Variants in PROSER1 observed in about 807,000 individuals in gnomAD.
The protein encoded by PROSER1 is proline and serine-rich protein 1.
A neutral mutation model predicts 71.8 loss-of-function variants in PROSER1; 36 were observed. The observed-to-expected ratio is 0.50, with a 90% confidence interval of 0.38 to 0.66. The LOEUF is 0.66. Among genes scored for constraint, PROSER1 ranks in the 30% least tolerant of loss-of-function variants. PROSER1 has a pLI of 0.00. For synonymous variants in PROSER1, 490 were observed against 452.4 expected (o/e 1.08, Z -1.06); for missense variants, 1,107 against 1,135.0 (o/e 0.98, Z 0.35).
chr13:39,027,121 C>T (rs1028590780), intron 5 of PROSER1, among the ~76,000 whole-genome samples: 8 of 151,948 alleles, frequency 5.3e-5, no homozygotes, highest in Non-Finnish European at 1.2e-4. Flanking sequence ...CAAGTATGTA[C>T]AATGTATTTT....
rs776620953 is a variant in PROSER1 at position 39,012,166 on chromosome 13, G to A, written c.2629C>T (p.Pro877Ser). 3.1e-6 allele frequency: 5 copies of A among 1,614,136 alleles called. 1 individual carries two copies. In the South Asian group the frequency reaches 5.5e-5, roughly 18 times the overall value. The change falls in exon 12 of 13, where the codon CCT (proline) becomes TCT (serine). Residue 877 changes from proline to serine, a missense_variant. Physicochemically the swap from Pro to Ser is moderately conservative, Grantham distance 74 (BLOSUM62 -1). Coordinates refer to ENST00000352251, the MANE Select transcript of PROSER1 (RefSeq NM_025138.5). ...TGTGAAGGATTCTGAGGAAACCCAG[G>A]GATACCCGGGAGGGACAAAAGGCCT... The part of the protein sequence containing the change: ...FPGLLSLPGI[P>S]GFPQNPSQSS...
At chr13:39,028,392 AC>A in intron 4 of PROSER1, 72 bp from the exon 5 acceptor site, 1 of 788,176 alleles carries the variant, frequency 1.3e-6, no homozygotes, top group Non-Finnish European at 2.2e-6. Context: ...ACCTTTGTTT[AC>A]CACACAAACA....
chr13:39,012,113 A>G lies in PROSER1; in HGVS notation c.2682T>C (p.Asn894=). The G allele has an allele frequency of 1.2e-6, 2 of 1,614,208 alleles. No homozygotes were observed. Among genetic ancestry groups the G allele is most frequent in the Non-Finnish European group, 1.7e-6 (2 of 1,180,036 alleles). ...SQSSLQELQH[N]AAAQSALLQQ... The stretch of plus-strand genomic sequence containing the variant: ...GTAACAATGCTGACTGCGCAGCCGC[A>G]TTATGCTGTAATTCTTGCAAGGATG... The change falls in exon 12 of 13, where the codon AAT becomes AAC. Residue 894 remains asparagine, a synonymous_variant. Coordinates refer to ENST00000352251, the MANE Select transcript of PROSER1 (RefSeq NM_025138.5).
At chr13:39,026,444 G>T in intron 5 of PROSER1, 57 bp from the exon 6 acceptor site, 2 of 1,045,980 alleles carry the variant, frequency 1.9e-6, no homozygotes, top group South Asian at 1.4e-5. Flanking sequence ...TAAGTATTCT[G>T]AACATTGGGA....
chr13:39,023,011 G>T, intron 8 of PROSER1, 41 bp downstream of exon 8: 2 of 1,515,110 alleles, frequency 1.3e-6, no homozygotes, highest in Non-Finnish European at 1.8e-6. Context: ...TAAATAAACA[G>T]CAAAAAAGAA....
In PROSER1 at chr13:39,037,346, G is replaced by A; in HGVS notation, c.-104C>T. The A allele has an allele frequency of 1.2e-6, 1 of 834,966 alleles. No individual in the cohort carries two copies. Among genetic ancestry groups the A allele is most frequent in the Non-Finnish European group, 2.0e-6 (1 of 490,008 alleles). The allele number at this position is 834,966 out of a possible 1,614,324, so 51.7% of individuals were successfully genotyped here. ...AGTAAAAAATATTTATAGCTGAGGAGGAAAAAGACTCCACGAGCAAGAGAG... is the reference window on the plus strand; with the variant it reads ...AGTAAAAAATATTTATAGCTGAGGAAGAAAAAGACTCCACGAGCAAGAGAG... On this transcript the variant is annotated 5_prime_UTR_variant, in exon 1 of 13. Coordinates refer to ENST00000352251, the MANE Select transcript of PROSER1 (RefSeq NM_025138.5).
chr13:39,021,552 A>G (rs1870290978), intron 9 of PROSER1, among the ~76,000 whole-genome samples: 2 of 152,166 alleles, frequency 1.3e-5, no homozygotes. Context: ...CCCTATCACA[A>G]TACACTGAAT....
intron 12 of PROSER1, 64 bp downstream of exon 12, chr13:39,012,019 G>T: frequency 6.7e-7 from 1 of 1,490,654 alleles, no homozygotes; most frequent in Non-Finnish European, 9.2e-7. Flanking sequence ...ATACTGCAAT[G>T]TTATCACTAC....
rs113994475 is a variant in PROSER1 at position 39,017,772 on chromosome 13, T to C, written c.731-228A>G. The C allele has an allele frequency of 5.8e-3, 2,300 of 395,254 alleles. 47 individuals carry two copies. Among genetic ancestry groups the C allele is most frequent in the African/African-American group, 0.05 (2,154 of 43,316 alleles). 24.5% of individuals were successfully genotyped at this position (395,254 alleles called of 1,614,324 possible). ...GAAGAGCAAGAGGATTACCAGAAAC[T>C]GAGTGAGTGCTCTTTTATCCCCTAG... On this transcript the variant is annotated intron_variant, in intron 9 of 12. Coordinates refer to ENST00000352251, the MANE Select transcript of PROSER1 (RefSeq NM_025138.5).
chr13:39,011,589 AAGAC>A, intron 12 of PROSER1, 102 bp from the exon 13 acceptor site: 1 of 1,202,256 alleles, frequency 8.3e-7, no homozygotes, highest in Non-Finnish European at 1.1e-6. Context: ...ATAGGAAAGA[AAGAC>A]AAGACAAAAC....
intron 7 of PROSER1, chr13:39,023,355 CAG>C (rs1456168841): frequency 4.5e-6 from 2 of 442,832 alleles, no homozygotes; most frequent in Non-Finnish European, 8.2e-6. Flanking sequence ...TAGAGGTGGC[CAG>C]AGATTTTTAA....
At chr13:39,017,634 A>G (rs1218020458) in intron 9 of PROSER1, 90 bp from the exon 10 acceptor site, 2 of 713,062 alleles carry the variant, frequency 2.8e-6, no homozygotes, top group Non-Finnish European at 4.6e-6. Flanking sequence ...AGAAAAACAC[A>G]GGATATAAAT....
At chr13:39,025,039 T>C (rs867625702) in intron 6 of PROSER1, among the ~76,000 whole-genome samples, 5 of 152,198 alleles carry the variant, frequency 3.3e-5, no homozygotes, top group Middle Eastern at 3.2e-3. Context: ...TATTGCTTTT[T>C]TTCGGAATAC....
intron 7 of PROSER1, 101 bp from the exon 8 acceptor site, chr13:39,023,231 T>A (rs1265529512): frequency 8.5e-6 from 7 of 821,874 alleles, no homozygotes; most frequent in Non-Finnish European, 1.5e-5. Flanking sequence ...GCTAAAAATG[T>A]CCCCGCATAT....
chr13:39,026,179 C>T, intron 6 of PROSER1, 98 bp downstream of exon 6: 1 of 721,526 alleles, frequency 1.4e-6, no homozygotes. Context: ...AATTAAGTTA[C>T]CGACATAAAA....
At chr13:39,024,399 A>G in intron 7 of PROSER1, 74 bp downstream of exon 7, 1 of 1,105,534 alleles carries the variant, frequency 9.0e-7, no homozygotes, top group South Asian at 1.4e-5. Context: ...CAAAAATAAA[A>G]TTTATGCTTT....
chr13:39,036,868 G>A (rs553608858), intron 1 of PROSER1, among the ~76,000 whole-genome samples: 6 of 152,252 alleles, frequency 3.9e-5, no homozygotes, highest in Admixed American at 2.6e-4. Context: ...GTTACTGAAA[G>A]ATGAGGCAAT....
chr13:39,022,466 G>T, intron 8 of PROSER1, 54 bp from the exon 9 acceptor site: 1 of 1,192,886 alleles, frequency 8.4e-7, no homozygotes, highest in African/African-American at 1.5e-5. Context: ...TCTGTGACTG[G>T]TATTGTTCTG....
chr13:39,018,499 C>A (rs9594318), intron 9 of PROSER1, among the ~76,000 whole-genome samples: 7,309 of 134,590 alleles, frequency 0.054, 239 homozygotes, highest in South Asian at 0.12. Flanking sequence ...CACACACACA[C>A]ACACACACAC....
Sources: allele counts gnomAD v4.1 joint callset (sites outside exome capture counted in the v4.1 genomes callset), GRCh38; gene constraint gnomAD v4.1.1; transcripts MANE v1.5; gene names NCBI Gene and HGNC (gene_info 2026-07-23, HGNC 2026-07-21).